KIAA1549L: variants seen among roughly 807,000 people sequenced by gnomAD.
The protein encoded by KIAA1549L is KIAA1549 like.
A neutral mutation model predicts 160.7 loss-of-function variants in KIAA1549L; 88 were observed. The ratio of observed to expected loss-of-function variants is 0.55; its 90% CI spans 0.46 to 0.65. The LOEUF is 0.65. KIAA1549L is among the 30% of genes least tolerant of loss of function. The probability of loss-of-function intolerance (pLI) is 0.00; values close to 1 mark genes in which losing one functional copy is unlikely to be tolerated. For missense variants in KIAA1549L, 2,258 were observed against 2,437.5 expected (o/e 0.93, Z 1.55); for synonymous variants, 950 against 976.7 (o/e 0.97, Z 0.51).
chr11:33,377,957 C>T (rs1258309321), intron 1 of KIAA1549L, among the ~76,000 whole-genome samples: 1 of 152,144 alleles, frequency 6.6e-6, no homozygotes, highest in Non-Finnish European at 1.5e-5. Flanking sequence ...CTTGTGCTTG[C>T]GAGTTACTGT....
chr11:33,420,081 G>T (rs57993750), intron 1 of KIAA1549L, among the ~76,000 whole-genome samples: 210 of 152,098 alleles, frequency 1.4e-3, no homozygotes, highest in African/African-American at 4.7e-3. Context: ...AAATTTTACA[G>T]TATATCATCT....
rs1850697718 is a variant in KIAA1549L, at chr11:33,407,764, C to T, written c.238+30875C>T. Among the ~76,000 whole-genome samples the T allele has an allele frequency of 2.0e-5, 3 of 152,174 alleles. No individual in the cohort carries two copies. The South Asian group carries it at 6.2e-4, about 32-fold the overall frequency. On this transcript the variant is annotated intron_variant, in intron 1 of 20. Coordinates refer to ENST00000658780, the MANE Select transcript of KIAA1549L (RefSeq NM_012194.3). The stretch of plus-strand genomic sequence containing the variant: ...GTTTGCCTTGCAGTGAAGCAGATGG[C>T]TTTACAAGGGAAACCCTGCCTCCTT...
intron 1 of KIAA1549L, among the ~76,000 whole-genome samples, chr11:33,443,025 G>C (rs796976087): frequency 7.9e-5 from 12 of 151,906 alleles, no homozygotes; most frequent in African/African-American, 2.7e-4. Context: ...AAAATGATTT[G>C]CTTAATTTGC....
chr11:33,462,320 T>C (rs1219082755), intron 1 of KIAA1549L, among the ~76,000 whole-genome samples: 1 of 152,256 alleles, frequency 6.6e-6, no homozygotes, highest in Non-Finnish European at 1.5e-5. Context: ...AACTTAGCCA[T>C]GGAAAATGGT....
chr11:33,550,618 G>C (rs1442879221), intron 4 of KIAA1549L, among the ~76,000 whole-genome samples: 1 of 152,072 alleles, frequency 6.6e-6, no homozygotes, highest in Non-Finnish European at 1.5e-5. Flanking sequence ...GTGCCCCCAA[G>C]GTTCCCCCAC....
chr11:33,505,313 G>C (rs1271482220), intron 1 of KIAA1549L, among the ~76,000 whole-genome samples: 1 of 152,216 alleles, frequency 6.6e-6, no homozygotes, highest in Non-Finnish European at 1.5e-5. Context: ...GTTGTCAGGA[G>C]AATCTCCAGT....
chr11:33,462,196 T>C (rs1472716007), intron 1 of KIAA1549L, among the ~76,000 whole-genome samples: 1 of 152,202 alleles, frequency 6.6e-6, no homozygotes, highest in Non-Finnish European at 1.5e-5. Context: ...AACAATGCTA[T>C]GTAGGGAAGA....
At chr11:33,431,913 G>A (rs917207650) in intron 1 of KIAA1549L, among the ~76,000 whole-genome samples, 1 of 152,258 alleles carries the variant, frequency 6.6e-6, no homozygotes, top group Non-Finnish European at 1.5e-5. Flanking sequence ...AAGGCCCGAC[G>A]AGAAATCGAG....
rs1273307302 is a variant in KIAA1549L at position 33,559,761 on chromosome 11, T to C, written c.3868T>C (p.Ser1290Pro). The change falls in exon 7 of 21, where the codon TCC becomes CCC. Residue 1290 changes from serine to proline, a missense_variant. By Grantham distance (74) the Ser-to-Pro change is moderately conservative. Coordinates refer to ENST00000658780, the MANE Select transcript of KIAA1549L (RefSeq NM_012194.3). The stretch of plus-strand genomic sequence containing the variant: ...TGTGTTGATTCAGATTGTGAGCACG[T>C]CCAATGCCTCCCAGGCAGTCACCTT... ...SNLTIQIVST[S>P]NASQAVTLVY... 3.7e-6 allele frequency: 6 copies of C among 1,613,796 alleles called. No homozygotes were observed. The highest frequency in any genetic ancestry group is 5.1e-6 in the Non-Finnish European group (6 of 1,179,842).
chr11:33,672,935 CAG>C lies in KIAA1549L; in HGVS notation c.*4784_*4785del, dbSNP rs1292272120. ...ATAAGAAAACCAATGAGCCCCTCAA[CAG>C]AGTCTTTTGAAACAAAATTGGTTTC... On this transcript the variant is annotated 3_prime_UTR_variant, in exon 21 of 21. Coordinates refer to ENST00000658780, the MANE Select transcript of KIAA1549L (RefSeq NM_012194.3). The C allele has an allele frequency of 1.3e-5, 2 of 153,768 alleles. No homozygotes were observed. Among genetic ancestry groups the C allele is most frequent in the Admixed American group, 6.5e-5 (1 of 15,288 alleles). The allele number at this position is 153,768 out of a possible 1,614,324, so 9.5% of individuals were successfully genotyped here. A position where few individuals can be genotyped will look rare whatever the true frequency, so the allele number is the denominator to read the frequency against.
In KIAA1549L at chr11:33,599,031, TCACA is replaced by T. The variant is rs796542387; in HGVS notation, c.4879+89_4879+92del. 195 of 1,480,134 alleles carry T rather than the reference TCACA, an allele frequency of 1.3e-4. 1 individual carries two copies. The African/African-American group carries it at 2.4e-3, about 18-fold the overall frequency. The allele number at this position is 1,480,134 out of a possible 1,614,324, so 91.7% of individuals were successfully genotyped here. On this transcript the variant is annotated intron_variant, in intron 13 of 20. Coordinates refer to ENST00000658780, the MANE Select transcript of KIAA1549L (RefSeq NM_012194.3). ...CATGCGTGCACACGTGTGCACAAAC[TCACA>T]CACAGCCACTGGGCTCTGACCCTCA...
At chr11:33,607,243 G>C (rs1203902316) in intron 14 of KIAA1549L, among the ~76,000 whole-genome samples, 1 of 152,116 alleles carries the variant, frequency 6.6e-6, no homozygotes, top group Non-Finnish European at 1.5e-5. Flanking sequence ...ATATGGACAG[G>C]GATGTGGGCC....
chr11:33,441,901 C>A (rs1446256567), intron 1 of KIAA1549L, among the ~76,000 whole-genome samples: 1 of 152,104 alleles, frequency 6.6e-6, no homozygotes, highest in South Asian at 2.1e-4. Flanking sequence ...GTTTCTTTTG[C>A]TGTGCAGAAG....
chr11:33,576,692 T>G (rs899986567), intron 10 of KIAA1549L, among the ~76,000 whole-genome samples: 2 of 152,186 alleles, frequency 1.3e-5, no homozygotes, highest in Non-Finnish European at 1.5e-5. Context: ...AGATAATGAT[T>G]CTGTGTGTAG....
chr11:33,568,813 C>G (rs1282640414), intron 9 of KIAA1549L, among the ~76,000 whole-genome samples: 1 of 152,212 alleles, frequency 6.6e-6, no homozygotes, highest in African/African-American at 2.4e-5. Context: ...GGAGTTCCAA[C>G]AGCCAGCCTC....
intron 11 of KIAA1549L, 136 bp from the exon 12 acceptor site, chr11:33,591,101 G>A: frequency 1.5e-6 from 1 of 674,680 alleles, no homozygotes; most frequent in Non-Finnish European, 2.6e-6. Flanking sequence ...TAATGATGGG[G>A]ATTTGAGTTA....
rs1448040078 is a variant in KIAA1549L, at chr11:33,568,582, C to A, written c.4230+355C>A. Among the ~76,000 whole-genome samples, 8 of 152,260 alleles carry A rather than the reference C, an allele frequency of 5.3e-5. No individual in the cohort carries two copies. In the South Asian group the frequency reaches 1.7e-3, roughly 32 times the overall value. On this transcript the variant is annotated intron_variant, in intron 9 of 20. Transcript: ENST00000658780. ...CAGTAAGCTCAATGAAGTCCCAGCT[C>A]TCTGTCCTTTTAGACCCTCTCACCT...
intron 1 of KIAA1549L, among the ~76,000 whole-genome samples, chr11:33,383,297 A>G (rs1850110230): frequency 6.6e-6 from 1 of 151,744 alleles, no homozygotes; most frequent in African/African-American, 2.4e-5. Flanking sequence ...AAAGACAAAC[A>G]AAAACTCCAC....
Position 33,670,128 on chromosome 11 carries a change from A to G in KIAA1549L, c.*1974A>G, listed in dbSNP as rs917962368. 6 of 152,242 alleles carry G rather than the reference A, an allele frequency of 3.9e-5. No individual in the cohort carries two copies. The highest frequency in any genetic ancestry group is 2.1e-4 in the South Asian group (1 of 4,832). The allele number at this position is 152,242 out of a possible 1,614,324, so 9.4% of individuals were successfully genotyped here. On this transcript the variant is annotated 3_prime_UTR_variant, in exon 21 of 21. Transcript: ENST00000658780. ...AGAGCCAAAGAAACTCAGCCTGTTC[A>G]TGCAAATGGTATGAGTCTGATAAAA...
Sources: gnomAD v4.1 joint callset for allele counts (sites outside exome capture counted in the v4.1 genomes callset) on GRCh38, gnomAD v4.1.1 for gene constraint, MANE v1.5 for transcripts, NCBI Gene and HGNC (gene_info 2026-07-23, HGNC 2026-07-21) for gene names.